YEATS2: variants seen among roughly 807,000 people sequenced by gnomAD.
YEATS2 encodes YEATS domain containing 2.
YEATS2 carries 77 observed loss-of-function variants against 163.2 expected under a neutral mutation model. The ratio of observed to expected loss-of-function variants is 0.47; its 90% CI spans 0.39 to 0.57. YEATS2 has a LOEUF of 0.57. YEATS2 is among the 20% of genes least tolerant of loss of function. The pLI is 0.00. For synonymous variants in YEATS2, 631 were observed against 645.1 expected, an observed-to-expected ratio of 0.98 and a Z score of 0.33; for missense variants, 1,549 against 1,729.8, an observed-to-expected ratio of 0.90 and a Z score of 1.85.
intron 1 of YEATS2, among the ~76,000 whole-genome samples, chr3:183,701,854 C>T (rs908893771): frequency 5.9e-5 from 9 of 152,168 alleles, no homozygotes; most frequent in African/African-American, 1.9e-4. Context: ...TCTCCTCACC[C>T]TCAGCTTTCA....
chr3:183,728,984 A>G, intron 7 of YEATS2, 133 bp downstream of exon 7: 2 of 1,054,870 alleles, frequency 1.9e-6, no homozygotes, highest in African/African-American at 1.6e-5. Flanking sequence ...GTCAAAATGT[A>G]GTTGGAGGCC....
At position 183,798,962 on chromosome 3, in the gene YEATS2, A is replaced by G. The variant is rs1278460072; in HGVS notation, c.3298A>G (p.Ser1100Gly). The change falls in exon 23 of 31, where the codon AGC becomes GGC. Residue 1100 changes from serine (S) to glycine (G), a missense_variant. Coordinates refer to ENST00000305135, the MANE Select transcript of YEATS2 (RefSeq NM_018023.5). ...AGCTGCCCCAACTCCAGTTGTCCCC[A>G]GCTCTGCTCCAGCAGCTGTTGCAAA... is the stretch of plus-strand genomic sequence containing the variant. ...PVAAPTPVVPSSAPAAVAKVK... is the reference protein window; with the variant it reads ...PVAAPTPVVPGSAPAAVAKVK... The G allele has an allele frequency of 6.2e-7, 1 of 1,614,004 alleles. No homozygotes were observed. The highest frequency in any genetic ancestry group is 2.2e-5 in the East Asian group (1 of 44,900).
chr3:183,770,616 C>T (rs1225047316), intron 15 of YEATS2, among the ~76,000 whole-genome samples: 1 of 152,096 alleles, frequency 6.6e-6, no homozygotes, highest in Admixed American at 6.6e-5. Context: ...AGTTGAAGTC[C>T]ACTTTGTTCT....
chr3:183,793,038 C>G, intron 21 of YEATS2: 1 of 951,174 alleles, frequency 1.1e-6, no homozygotes, highest in South Asian at 1.4e-5. Context: ...TAGACAGATA[C>G]TTCTGTAAAA....
chr3:183,722,684 G>A (rs1385140624), intron 5 of YEATS2, among the ~76,000 whole-genome samples: 8 of 151,568 alleles, frequency 5.3e-5, no homozygotes, highest in South Asian at 4.1e-4. Flanking sequence ...ACGGAGTCTC[G>A]CTTTATCACC....
intron 19 of YEATS2, among the ~76,000 whole-genome samples, chr3:183,785,348 C>T (rs1455180793): frequency 6.6e-6 from 1 of 151,032 alleles, no homozygotes; most frequent in Non-Finnish European, 1.5e-5. Flanking sequence ...ATTAGTTGGG[C>T]GTGGTGGCAC....
At chr3:183,780,488 G>A (rs1407199494) in intron 19 of YEATS2, among the ~76,000 whole-genome samples, 2 of 152,186 alleles carry the variant, frequency 1.3e-5, no homozygotes, top group Non-Finnish European at 2.9e-5. Flanking sequence ...GTAGTTGCTT[G>A]TCCACTATTG....
intron 27 of YEATS2, chr3:183,806,436 C>A (rs1367886489): frequency 2.2e-6 from 1 of 456,844 alleles, no homozygotes; most frequent in South Asian, 1.5e-5. Flanking sequence ...AGAGACTGGA[C>A]CCATAATATA....
At chr3:183,784,609 T>G (rs1723876415) in intron 19 of YEATS2, among the ~76,000 whole-genome samples, 1 of 152,142 alleles carries the variant, frequency 6.6e-6, no homozygotes, top group Admixed American at 6.5e-5. Context: ...TTTAATTAGG[T>G]CCCACTTGGT....
At chr3:183,776,528 A>G (rs914915796) in intron 18 of YEATS2, among the ~76,000 whole-genome samples, 2 of 152,122 alleles carry the variant, frequency 1.3e-5, no homozygotes, top group Non-Finnish European at 2.9e-5. Flanking sequence ...TGGCTGGGTG[A>G]CAGAGTGAGA....
chr3:183,778,153 TA>T (rs960011093), intron 19 of YEATS2, among the ~76,000 whole-genome samples: 12 of 121,934 alleles, frequency 9.8e-5, no homozygotes, highest in Non-Finnish European at 1.8e-4. Context: ...AAATGAACAA[TA>T]AAAAATATAG....
intron 9 of YEATS2, 62 bp from the exon 10 acceptor site, chr3:183,752,011 A>G (rs1023471407): frequency 1.3e-6 from 2 of 1,579,050 alleles, no homozygotes; most frequent in Non-Finnish European, 8.7e-7. Context: ...CTTGGACGGG[A>G]CTTGAGCTTT....
At chr3:183,776,691 C>T (rs566232662) in intron 18 of YEATS2, among the ~76,000 whole-genome samples, 5 of 152,228 alleles carry the variant, frequency 3.3e-5, no homozygotes, top group Middle Eastern at 3.4e-3. Context: ...CGGTGGCTCA[C>T]GCCTGTAATC....
At chr3:183,781,387 C>A (rs1049399876) in intron 19 of YEATS2, among the ~76,000 whole-genome samples, 1 of 152,166 alleles carries the variant, frequency 6.6e-6, no homozygotes, top group African/African-American at 2.4e-5. Context: ...AGAGAATTCG[C>A]CCATTGTCCG....
Position 183,786,316 on chromosome 3 carries a change from G to T in YEATS2, c.2913+15G>T, listed in dbSNP as rs1300751066. The stretch of plus-strand genomic sequence containing the variant: ...CTGCACAACAGGTGAGAAATAGCAT[G>T]TCAGTAGAGAATCCTAATGAGACAT... On this transcript the variant is annotated intron_variant, in intron 20 of 30. Coordinates refer to ENST00000305135, the MANE Select transcript of YEATS2 (RefSeq NM_018023.5). The T allele has an allele frequency of 6.3e-7, 1 of 1,596,044 alleles. No homozygotes were observed. Among genetic ancestry groups the T allele is most frequent in the Non-Finnish European group, 8.6e-7 (1 of 1,166,710 alleles).
chr3:183,749,642 T>C (rs1719949465), intron 9 of YEATS2, among the ~76,000 whole-genome samples: 2 of 152,144 alleles, frequency 1.3e-5, no homozygotes, highest in African/African-American at 4.8e-5. Context: ...AAATTTATTT[T>C]TATTTATTTA....
chr3:183,704,616 A>G (rs890399402), intron 1 of YEATS2, among the ~76,000 whole-genome samples: 1 of 151,836 alleles, frequency 6.6e-6, no homozygotes, highest in African/African-American at 2.4e-5. Context: ...ATCTTACTGT[A>G]TGATTTACAT....
rs1723117673 is a variant in YEATS2 at position 183,777,571 on chromosome 3, C to T, written c.2607C>T (p.Pro869=). ...CATTTTTAGTTGGCCAGCCATCACC[C>T]CAGACTTCTGGAAAACAACTCACCA... is the stretch of plus-strand genomic sequence containing the variant. ...QGTFLVGQPS[P]QTSGKQLTTG... Residue 869 remains proline (P), a synonymous_variant, in exon 19 of 31, where the codon CCC becomes CCT. Coordinates refer to ENST00000305135, the MANE Select transcript of YEATS2 (RefSeq NM_018023.5). 1.2e-6 allele frequency: 2 copies of T among 1,613,914 alleles called. No homozygotes were observed. Among genetic ancestry groups the T allele is most frequent in the African/African-American group, 1.3e-5 (1 of 74,880 alleles).
chr3:183,743,345 A>T (rs1719173867), intron 8 of YEATS2, among the ~76,000 whole-genome samples: 1 of 151,928 alleles, frequency 6.6e-6, no homozygotes, highest in South Asian at 2.1e-4. Context: ...ATAAACGTTT[A>T]TTTTTTATTT....
Sources: allele counts gnomAD v4.1 joint callset (sites outside exome capture counted in the v4.1 genomes callset), GRCh38; gene constraint gnomAD v4.1.1; transcripts MANE v1.5; gene names NCBI Gene and HGNC (gene_info 2026-07-23, HGNC 2026-07-21).